SLC45A2: variants seen among roughly 807,000 people sequenced by gnomAD.
The protein encoded by SLC45A2 is membrane-associated transporter protein.
SLC45A2 carries 36 observed loss-of-function variants against 45.5 expected under a neutral mutation model. The ratio of observed to expected loss-of-function variants is 0.79; its 90% CI spans 0.61 to 1.04. The LOEUF (loss-of-function observed/expected upper bound fraction) is 1.04, where lower values mean the gene tolerates loss of function less well. SLC45A2 is among the 50% of genes least tolerant of loss of function. SLC45A2 has a pLI of 0.00. For missense variants in SLC45A2, 719 were observed against 671.0 expected, an observed-to-expected ratio of 1.07 and a Z score of -0.79; for synonymous variants, 306 against 269.3, an observed-to-expected ratio of 1.14 and a Z score of -1.33.
chr5:33,958,329 T>C (rs1752337519), intron 3 of SLC45A2, among the ~76,000 whole-genome samples: 1 of 152,164 alleles, frequency 6.6e-6, no homozygotes, highest in African/African-American at 2.4e-5. Flanking sequence ...GAAAGCAATG[T>C]CTTTGGCAAG....
At chr5:33,969,855 C>A (rs1327425867) in intron 2 of SLC45A2, among the ~76,000 whole-genome samples, 1 of 152,140 alleles carries the variant, frequency 6.6e-6, no homozygotes, top group Non-Finnish European at 1.5e-5. Context: ...CCCATGGAGG[C>A]AGTAAGAATC....
At chr5:33,980,755 T>C (rs1753052123) in intron 2 of SLC45A2, among the ~76,000 whole-genome samples, 1 of 150,794 alleles carries the variant, frequency 6.6e-6, no homozygotes, top group African/African-American at 2.5e-5. Flanking sequence ...GCCAGTCAGT[T>C]AGTCTGGTAT....
At chr5:33,950,540 AGGCAGGT>A (rs577975496) in intron 5 of SLC45A2, among the ~76,000 whole-genome samples, 18 of 152,286 alleles carry the variant, frequency 1.2e-4, no homozygotes, top group African/African-American at 4.3e-4. Flanking sequence ...AGAGGTCTTG[AGGCAGGT>A]TTCCTGCTGT....
chr5:33,973,915 A>G (rs1752854428), intron 2 of SLC45A2, among the ~76,000 whole-genome samples: 1 of 152,212 alleles, frequency 6.6e-6, no homozygotes, highest in Non-Finnish European at 1.5e-5. Context: ...CTGTGAAGGA[A>G]TGAAGAAAGC....
Position 33,963,759 on chromosome 5 carries a change from C to G in SLC45A2, c.820G>C (p.Val274Leu). The G allele has an allele frequency of 6.2e-7, 1 of 1,614,158 alleles. No individual in the cohort carries two copies. The highest frequency in any genetic ancestry group is 8.5e-7 in the Non-Finnish European group (1 of 1,180,024). The change falls in exon 3 of 7, where the codon GTT (valine) becomes CTT (leucine). Residue 274 changes from valine to leucine, a missense_variant. Physicochemically the swap from Val to Leu is conservative, Grantham distance 32 (BLOSUM62 1). Coordinates refer to ENST00000296589, the MANE Select transcript of SLC45A2 (RefSeq NM_016180.5). ...TCTGGATTTACGTAACCATTTTTAA[C>G]TTTCTCGATAGAACCATACTCGTAC... ...GMYEYGSIEK[V>L]KNGYVNPELA... is the part of the protein sequence containing the mutation.
intron 2 of SLC45A2, among the ~76,000 whole-genome samples, chr5:33,967,404 A>C (rs1302077454): frequency 1.3e-5 from 2 of 152,210 alleles, no homozygotes; most frequent in Non-Finnish European, 2.9e-5. Context: ...CACCTTGTTA[A>C]AATGCAAGTT....
Position 33,963,902 on chromosome 5 carries a change from A to C in SLC45A2, c.677T>G (p.Leu226Arg), listed in dbSNP as rs765660673. 1.2e-6 allele frequency: 2 copies of C among 1,614,048 alleles called. No homozygotes were observed. The highest frequency in any genetic ancestry group is 2.7e-5 in the African/African-American group (2 of 74,924). The change falls in exon 3 of 7, where the codon CTC (leucine) becomes CGC (arginine). Residue 226 changes from leucine (L) to arginine (R), a missense_variant. Transcript: ENST00000296589. ...QVMFFFSALV[L>R]TLCFTVHLCS... ...CAGATGAACAGTAAAACACAAAGTG[A>C]GCACCAATGCAGAGAAGAAGAACAT...
chr5:33,952,280 C>T (rs1050389929), intron 4 of SLC45A2, among the ~76,000 whole-genome samples: 1 of 152,100 alleles, frequency 6.6e-6, no homozygotes, highest in Non-Finnish European at 1.5e-5. Context: ...CATGATCCAC[C>T]ATGCCCGGCC....
chr5:33,969,291 A>C (rs1478566143), intron 2 of SLC45A2, among the ~76,000 whole-genome samples: 2 of 151,924 alleles, frequency 1.3e-5, no homozygotes, highest in Non-Finnish European at 2.9e-5. Context: ...AAAAATTTTA[A>C]ATTAAAATAA....
At chr5:33,954,616 G>T in intron 3 of SLC45A2, 112 bp from the exon 4 acceptor site, 8 of 1,466,788 alleles carry the variant, frequency 5.5e-6, no homozygotes, top group Non-Finnish European at 7.5e-6. Flanking sequence ...ATCACACAAA[G>T]TGTCACTTTT....
chr5:33,984,322 C>A lies in SLC45A2; in HGVS notation c.262G>T (p.Val88Phe). 1 of 1,614,120 alleles carries A rather than the reference C, an allele frequency of 6.2e-7. No individual in the cohort carries two copies. ...PILGFLLQPV[V>F]GSASDHCRSR... ...CGGCAGTGGTCGCTGGCCGATCCGA[C>A]CACGGGCTGCAGCAGGAATCCCAGG... Residue 88 changes from valine (V) to phenylalanine (F), a missense_variant, in exon 1 of 7, where the codon GTC (valine) becomes TTC (phenylalanine). Transcript: ENST00000296589.
At chr5:33,946,562 T>C in intron 6 of SLC45A2, 1 of 990,784 alleles carries the variant, frequency 1.0e-6, no homozygotes, top group East Asian at 1.1e-4. Context: ...TGTTCACTAG[T>C]TGCGTTCCAA....
chr5:33,975,293 G>T (rs1303073146), intron 2 of SLC45A2, among the ~76,000 whole-genome samples: 1 of 152,192 alleles, frequency 6.6e-6, no homozygotes, highest in Non-Finnish European at 1.5e-5. Context: ...TAACCCTCGG[G>T]TCTCCTTTTA....
At chr5:33,970,454 G>C (rs1461622143) in intron 2 of SLC45A2, among the ~76,000 whole-genome samples, 2 of 152,166 alleles carry the variant, frequency 1.3e-5, no homozygotes, top group Non-Finnish European at 2.9e-5. Flanking sequence ...TTGCTCTCTA[G>C]AATCCCTTCC....
At chr5:33,984,077 A>G in intron 1 of SLC45A2, 122 bp downstream of exon 1, 1 of 1,423,224 alleles carries the variant, frequency 7.0e-7, no homozygotes. Flanking sequence ...GTTCATTGTA[A>G]CCTAGGAGAG....
chr5:33,984,434 C>T lies in SLC45A2; in HGVS notation c.150G>A (p.Ala50=). The change falls in exon 1 of 7, where the codon GCG becomes GCA. Residue 50 remains alanine, a synonymous_variant. Coordinates refer to ENST00000296589, the MANE Select transcript of SLC45A2 (RefSeq NM_016180.5). ...CTGGGGTCACATACGCTGCCTCCACCGCGTAGCAGAACTCTCTTCCGAACA... is the reference window on the plus strand; with the variant it reads ...CTGGGGTCACATACGCTGCCTCCACTGCGTAGCAGAACTCTCTTCCGAACA... ...MAMFGREFCY[A]VEAAYVTPVL... 2 of 1,613,670 alleles carry T rather than the reference C, an allele frequency of 1.2e-6. No individual in the cohort carries two copies. Among genetic ancestry groups the T allele is most frequent in the South Asian group, 1.1e-5 (1 of 91,040 alleles).
At chr5:33,973,118 A>C (rs530275130) in intron 2 of SLC45A2, among the ~76,000 whole-genome samples, 55 of 152,288 alleles carry the variant, frequency 3.6e-4, no homozygotes, top group African/African-American at 1.2e-3. Flanking sequence ...TAACAAAGCA[A>C]GGAGGCCAAA....
chr5:33,956,364 C>T (rs1008262580), intron 3 of SLC45A2, among the ~76,000 whole-genome samples: 17 of 152,190 alleles, frequency 1.1e-4, no homozygotes, highest in African/African-American at 3.9e-4. Context: ...ATCCTGAAAA[C>T]AAAGCACAAT....
chr5:33,961,490 T>C (rs1752453592), intron 3 of SLC45A2, among the ~76,000 whole-genome samples: 1 of 152,244 alleles, frequency 6.6e-6, no homozygotes, highest in Non-Finnish European at 1.5e-5. Context: ...TCTGTGGCTT[T>C]GCTGATGCTC....
Sources: gnomAD v4.1 joint callset for allele counts (sites outside exome capture counted in the v4.1 genomes callset) on GRCh38, gnomAD v4.1.1 for gene constraint, MANE v1.5 for transcripts, NCBI Gene and HGNC (gene_info 2026-07-23, HGNC 2026-07-21) for gene names.